CDH13: variants seen among roughly 807,000 people sequenced by gnomAD.
The protein encoded by CDH13 is cadherin-13.
A neutral mutation model predicts 63.8 loss-of-function variants in CDH13; 24 were observed. The observed-to-expected ratio is 0.38, with a 90% CI of 0.27 to 0.53. The LOEUF (loss-of-function observed/expected upper bound fraction) is 0.53, where lower values mean the gene tolerates loss of function less well. CDH13 is among the 20% of genes least tolerant of loss of function. CDH13 has a pLI of 0.85. For synonymous variants in CDH13, 503 were observed against 355.3 expected (o/e 1.42, Z -4.67); for missense variants, 1,049 against 903.1 (o/e 1.16, Z -2.07).
At chr16:83,279,121 T>C (rs955657297) in intron 5 of CDH13, among the ~76,000 whole-genome samples, 5 of 152,136 alleles carry the variant, frequency 3.3e-5, no homozygotes, top group African/African-American at 1.2e-4. Context: ...TGAATTTGAA[T>C]TGAATATTTA....
At chr16:83,092,446 T>C (rs977753309) in intron 3 of CDH13, among the ~76,000 whole-genome samples, 12 of 152,240 alleles carry the variant, frequency 7.9e-5, no homozygotes, top group Admixed American at 5.2e-4. Context: ...GCTAATGCCA[T>C]CCTCACCTTC....
intron 2 of CDH13, among the ~76,000 whole-genome samples, chr16:83,001,245 T>G (rs1912896837): frequency 6.6e-6 from 1 of 152,264 alleles, no homozygotes; most frequent in African/African-American, 2.4e-5. Flanking sequence ...TGCTTCGCAA[T>G]TCCATCTTCT....
At position 83,223,075 on chromosome 16, in the gene CDH13, A is replaced by ATTTGT. The variant is rs1167913972; in HGVS notation, c.636+5578_636+5579insTTTGT. ...AGTTGTCCTATAAGGGGCAAAATTG[A>ATTTGT]GAACCACTGTTAGAGAGAAGTGTCA... On this transcript the variant is annotated intron_variant, in intron 5 of 13. Coordinates refer to ENST00000567109, the MANE Select transcript of CDH13 (RefSeq NM_001257.5). Among the ~76,000 whole-genome samples, 7 of 61,876 alleles carry ATTTGT rather than the reference A, an allele frequency of 1.1e-4. No homozygotes were observed. In the Admixed American group the frequency reaches 1.3e-3, roughly 11 times the overall value. 40.6% of individuals were successfully genotyped at this position (61,876 alleles called of 152,430 possible). A position where few individuals can be genotyped will look rare whatever the true frequency, so the allele number is the denominator to read the frequency against.
chr16:83,516,235 G>C (rs1233049403), intron 7 of CDH13, among the ~76,000 whole-genome samples: 1 of 152,208 alleles, frequency 6.6e-6, no homozygotes, highest in African/African-American at 2.4e-5. Context: ...CAAAGAATGA[G>C]AAGCAAAAGC....
At chr16:83,444,904 C>G (rs2072626785) in intron 6 of CDH13, among the ~76,000 whole-genome samples, 1 of 1,542 alleles carries the variant, frequency 6.5e-4, no homozygotes, top group African/African-American at 1.3e-3. Flanking sequence ...ACGGAAGACT[C>G]CAAAAATGGA....
At chr16:83,284,127 G>C (rs1393373178) in intron 5 of CDH13, among the ~76,000 whole-genome samples, 1 of 152,108 alleles carries the variant, frequency 6.6e-6, no homozygotes, top group Non-Finnish European at 1.5e-5. Flanking sequence ...TCATCCCGCA[G>C]TTTTCAAAGA....
chr16:82,942,225 G>C (rs898490732), intron 2 of CDH13, among the ~76,000 whole-genome samples: 2 of 152,096 alleles, frequency 1.3e-5, no homozygotes, highest in African/African-American at 4.8e-5. Context: ...GTGAGGTAGA[G>C]GTCAAGATGT....
intron 5 of CDH13, among the ~76,000 whole-genome samples, chr16:83,325,964 C>G (rs994249338): frequency 1.3e-5 from 2 of 151,938 alleles, no homozygotes; most frequent in African/African-American, 4.8e-5. Flanking sequence ...TCAGTAAATG[C>G]TAAACTGAAA....
At chr16:83,764,340 G>C (rs1914213977) in intron 11 of CDH13, among the ~76,000 whole-genome samples, 1 of 152,186 alleles carries the variant, frequency 6.6e-6, no homozygotes, top group Non-Finnish European at 1.5e-5. Flanking sequence ...CTTGTCTCTG[G>C]CTGAATGGGC....
intron 6 of CDH13, among the ~76,000 whole-genome samples, chr16:83,414,492 A>G (rs1240750898): frequency 6.6e-6 from 1 of 152,206 alleles, no homozygotes; most frequent in African/African-American, 2.4e-5. Context: ...GACTCTAGGT[A>G]CAGCATTGTA....
intron 1 of CDH13, among the ~76,000 whole-genome samples, chr16:82,791,760 C>T (rs183508902): frequency 4.1e-4 from 62 of 152,302 alleles, no homozygotes; most frequent in Non-Finnish European, 6.6e-4. Context: ...TGCCTGGGTT[C>T]GTCCTAACTG....
intron 4 of CDH13, among the ~76,000 whole-genome samples, chr16:83,198,322 TACACACACACACAC>T (rs10547222): frequency 4.8e-5 from 7 of 144,622 alleles, no homozygotes; most frequent in African/African-American, 1.0e-4. Context: ...CACACACATG[TACACACACACACAC>T]ACACACACAC....
At chr16:83,217,228 C>G in intron 4 of CDH13, 117 bp from the exon 5 acceptor site, 1 of 935,732 alleles carries the variant, frequency 1.1e-6, no homozygotes, top group Non-Finnish European at 1.7e-6. Context: ...TCTGTGTTCA[C>G]CAGGTACCCA....
At chr16:83,673,234 A>G (rs1443006617) in intron 9 of CDH13, among the ~76,000 whole-genome samples, 2 of 152,210 alleles carry the variant, frequency 1.3e-5, no homozygotes, top group African/African-American at 4.8e-5. Flanking sequence ...CCCGTACTAG[A>G]AATCCTTAAT....
intron 3 of CDH13, among the ~76,000 whole-genome samples, chr16:83,093,391 T>C (rs1031845117): frequency 7.3e-6 from 1 of 136,540 alleles, no homozygotes; most frequent in Admixed American, 8.3e-5. Flanking sequence ...CAGTCTAGGC[T>C]GACTGCAACC....
chr16:83,054,903 T>C (rs1008915460), intron 3 of CDH13, among the ~76,000 whole-genome samples: 3 of 152,120 alleles, frequency 2.0e-5, no homozygotes, highest in Non-Finnish European at 4.4e-5. Context: ...TTCTGCAGTG[T>C]TCACGTGGAA....
chr16:83,278,938 C>T (rs1330941022), intron 5 of CDH13, among the ~76,000 whole-genome samples: 1 of 152,248 alleles, frequency 6.6e-6, no homozygotes, highest in South Asian at 2.1e-4. Context: ...GCATGCTAAG[C>T]CTGGATAGAA....
At chr16:83,572,966 A>G (rs1031838534) in intron 7 of CDH13, among the ~76,000 whole-genome samples, 1 of 152,228 alleles carries the variant, frequency 6.6e-6, no homozygotes, top group Non-Finnish European at 1.5e-5. Flanking sequence ...TACAGTACTT[A>G]CAGCGAGCAC....
chr16:83,264,532 ATGTGTGTGTATATATATGTATGTGTG>A (rs1277785936), intron 5 of CDH13, among the ~76,000 whole-genome samples: 1 of 125,336 alleles, frequency 8.0e-6, no homozygotes, highest in African/African-American at 3.0e-5. Context: ...ATATATGTAT[ATGTGTGTGTATATATATGTATGTGTG>A]TGTGTGTGTA....
Sources: allele counts gnomAD v4.1 joint callset (sites outside exome capture counted in the v4.1 genomes callset), GRCh38; gene constraint gnomAD v4.1.1; transcripts MANE v1.5; gene names NCBI Gene and HGNC (gene_info 2026-07-23, HGNC 2026-07-21).